Variants in FAM162A observed in about 807,000 individuals in gnomAD.
FAM162A encodes the protein family with sequence similarity 162 member A.
In FAM162A, 23 loss-of-function variants were observed where a neutral mutation model predicts 21.8. The ratio of observed to expected loss-of-function variants is 1.05; its 90% CI spans 0.76 to 1.49. The LOEUF is 1.49. FAM162A is among the 40% of genes most tolerant of loss of function. The pLI is 0.00. For missense variants in FAM162A, 165 were observed against 186.4 expected, an observed-to-expected ratio of 0.89 and a Z score of 0.67; for synonymous variants, 53 against 61.3, an observed-to-expected ratio of 0.86 and a Z score of 0.64.
chr3:122,402,798 T>C lies in FAM162A; in HGVS notation c.73T>C (p.Ser25Pro). 6.3e-7 allele frequency: 1 copy of C among 1,599,790 alleles called. No individual in the cohort carries two copies. The highest frequency in any genetic ancestry group is 8.5e-7 in the Non-Finnish European group (1 of 1,173,752). Residue 25 changes from serine (S) to proline (P), a missense_variant, in exon 2 of 5, where the codon TCT (serine) becomes CCT (proline). Ser to Pro is a moderately conservative substitution (Grantham distance 74). Transcript: ENST00000477892. ...GTTATGTGAAAGAGATGTTTCCTCATCTCTAAGGCTTACCAGAAGCTCTGA... is the reference window on the plus strand; with the variant it reads ...GTTATGTGAAAGAGATGTTTCCTCACCTCTAAGGCTTACCAGAAGCTCTGA... ...FRLCERDVSSSLRLTRSSDLK... is the reference protein window; with the variant it reads ...FRLCERDVSSPLRLTRSSDLK...
chr3:122,401,317 C>T, intron 1 of FAM162A: 1 of 838,594 alleles, frequency 1.2e-6, no homozygotes, highest in South Asian at 5.0e-5. Context: ...TTTTGTTAAA[C>T]ATATGTCGAT....
At chr3:122,398,781 A>G (rs546681462) in intron 1 of FAM162A, among the ~76,000 whole-genome samples, 1 of 152,356 alleles carries the variant, frequency 6.6e-6, no homozygotes, top group Non-Finnish European at 1.5e-5. Flanking sequence ...TATACTGATA[A>G]TAAGGAACAT....
chr3:122,384,496 C>G (rs2075564234), intron 1 of FAM162A, among the ~76,000 whole-genome samples, 197 bp downstream of exon 1: 1 of 152,084 alleles, frequency 6.6e-6, no homozygotes, highest in Admixed American at 6.6e-5. Flanking sequence ...GGAGACTGCC[C>G]GTGAATTACC....
chr3:122,407,249 A>C, intron 3 of FAM162A, 32 bp from the exon 4 acceptor site: 1 of 1,585,394 alleles, frequency 6.3e-7, no homozygotes, highest in Non-Finnish European at 8.6e-7. Context: ...AAAAGTTAAT[A>C]ACTTTCTCTC....
rs2075703805 is a variant in FAM162A, at chr3:122,411,248, T to C, written c.*1417T>C. The C allele has an allele frequency of 6.6e-6, 1 of 152,236 alleles. No homozygotes were observed. The highest frequency in any genetic ancestry group is 1.5e-5 in the Non-Finnish European group (1 of 68,020). 9.4% of individuals were successfully genotyped at this position (152,236 alleles called of 1,614,324 possible). On this transcript the variant is annotated 3_prime_UTR_variant, in exon 5 of 5. Coordinates refer to ENST00000477892, the MANE Select transcript of FAM162A (RefSeq NM_014367.4). Reference sequence around the variant, plus strand: ...CCAGTAAAATGTAACATACTACCTATAGCTTGATAATCTATCTGAGGATGT... The same window carrying C: ...CCAGTAAAATGTAACATACTACCTACAGCTTGATAATCTATCTGAGGATGT...
In FAM162A at chr3:122,404,342, A is replaced by G; in HGVS notation, c.242A>G (p.Asp81Gly). Residue 81 changes from aspartate (D) to glycine (G), a missense_variant, in exon 3 of 5, where the codon GAT (aspartate) becomes GGT (glycine). Asp to Gly is a moderately conservative substitution (Grantham distance 94, BLOSUM62 -1). Coordinates refer to ENST00000477892, the MANE Select transcript of FAM162A (RefSeq NM_014367.4). ...LIWSGRFKKE[D>G]EIPETVSLEM... is the part of the protein sequence containing the mutation. Reference sequence around the variant, plus strand: ...TGGTCAGGTCGCTTCAAAAAGGAAGATGAAATCCCAGAGACTGTCTCGTGA... The same window carrying G: ...TGGTCAGGTCGCTTCAAAAAGGAAGGTGAAATCCCAGAGACTGTCTCGTGA... 2.5e-6 allele frequency: 4 copies of G among 1,599,262 alleles called. No individual in the cohort carries two copies. Among genetic ancestry groups the G allele is most frequent in the Non-Finnish European group, 3.4e-6 (4 of 1,170,256 alleles).
At chr3:122,397,870 A>G (rs1338517238) in intron 1 of FAM162A, among the ~76,000 whole-genome samples, 1 of 152,230 alleles carries the variant, frequency 6.6e-6, no homozygotes, top group Admixed American at 6.5e-5. Flanking sequence ...CCCACTAAGG[A>G]GTCTCTAAAA....
In FAM162A at chr3:122,407,281, G is replaced by T; in HGVS notation, c.264G>T (p.Ser88=). The T allele has an allele frequency of 1.2e-6, 2 of 1,613,366 alleles. No homozygotes were observed. Among genetic ancestry groups the T allele is most frequent in the Non-Finnish European group, 1.7e-6 (2 of 1,179,414 alleles). Residue 88 remains serine, a splice_region_variant and synonymous_variant, in exon 4 of 5, where the codon TCG becomes TCT. Transcript: ENST00000477892. ...KKEDEIPETV[S]LEMLDAAKNK... Reference sequence around the variant, plus strand: ...TCTCATGATCTCATTGTATTACTAGGTTGGAGATGCTTGATGCTGCAAAGA... The same window carrying T: ...TCTCATGATCTCATTGTATTACTAGTTTGGAGATGCTTGATGCTGCAAAGA...
chr3:122,398,100 C>T (rs1033022436), intron 1 of FAM162A, among the ~76,000 whole-genome samples: 9 of 152,084 alleles, frequency 5.9e-5, no homozygotes, highest in Admixed American at 3.9e-4. Flanking sequence ...TGTAAAAATG[C>T]AACGTAAGGA....
At position 122,393,132 on chromosome 3, in the gene FAM162A, A is replaced by G. The variant is rs114095768; in HGVS notation, c.34+8833A>G. Among the ~76,000 whole-genome samples, 553 of 152,344 alleles carry G rather than the reference A, an allele frequency of 3.6e-3. 1 individual carries two copies. The highest frequency in any genetic ancestry group is 0.013 in the African/African-American group (535 of 41,586). ...ATCCAGGCAAAGCTTTCTGGCATTT[A>G]TAGCCCTAGAAAACAAAATAAATGA... On this transcript the variant is annotated intron_variant, in intron 1 of 4. Transcript: ENST00000477892.
At chr3:122,385,762 A>G (rs2075571961) in intron 1 of FAM162A, among the ~76,000 whole-genome samples, 1 of 152,254 alleles carries the variant, frequency 6.6e-6, no homozygotes, top group African/African-American at 2.4e-5. Context: ...TTAATAGCAC[A>G]CTAAGGATGT....
chr3:122,389,300 G>GT (rs2075588389), intron 1 of FAM162A, among the ~76,000 whole-genome samples: 1 of 152,022 alleles, frequency 6.6e-6, no homozygotes, highest in Non-Finnish European at 1.5e-5. Context: ...TGTTATTGTA[G>GT]AGTAATAAGA....
chr3:122,396,119 A>G (rs2075626133), intron 1 of FAM162A, among the ~76,000 whole-genome samples: 1 of 152,172 alleles, frequency 6.6e-6, no homozygotes, highest in South Asian at 2.1e-4. Context: ...TCTTTGTGAT[A>G]TCGTATATGG....
chr3:122,397,415 A>G (rs2075633556), intron 1 of FAM162A, among the ~76,000 whole-genome samples: 1 of 152,094 alleles, frequency 6.6e-6, no homozygotes, highest in South Asian at 2.1e-4. Flanking sequence ...TTTTAACCAC[A>G]AAGGTCTGAG....
chr3:122,402,930 T>C (rs777266700), intron 2 of FAM162A, 48 bp downstream of exon 2: 3 of 1,549,208 alleles, frequency 1.9e-6, no homozygotes, highest in Non-Finnish European at 2.6e-6. Flanking sequence ...TCCCAAAGAG[T>C]AGGAAAACTT....
chr3:122,389,416 TAGATAGATAGATAGATAGATG>T (rs1276135162), intron 1 of FAM162A, among the ~76,000 whole-genome samples: 9 of 151,802 alleles, frequency 5.9e-5, no homozygotes, highest in East Asian at 1.9e-4. Context: ...GATAGATAGA[TAGATAGATAGATAGATAGATG>T]AGATAGATAG....
intron 1 of FAM162A, among the ~76,000 whole-genome samples, chr3:122,393,411 C>T (rs2075612859): frequency 6.6e-6 from 1 of 151,954 alleles, no homozygotes; most frequent in Non-Finnish European, 1.5e-5. Context: ...TTTTAACTTG[C>T]TTTATTCCTG....
intron 1 of FAM162A, among the ~76,000 whole-genome samples, chr3:122,391,474 T>C (rs888694193): frequency 6.6e-6 from 1 of 152,268 alleles, no homozygotes; most frequent in Non-Finnish European, 1.5e-5. Context: ...TCTATTATTC[T>C]AATATCTATA....
intron 1 of FAM162A, among the ~76,000 whole-genome samples, chr3:122,400,767 C>T (rs146429614): frequency 0.021 from 3,185 of 151,754 alleles, 65 homozygotes; most frequent in East Asian, 0.088. Context: ...ACAGAGGTTG[C>T]GGTGAGCCGA....
Sources: allele counts gnomAD v4.1 joint callset (sites outside exome capture counted in the v4.1 genomes callset), GRCh38; gene constraint gnomAD v4.1.1; transcripts MANE v1.5; gene names NCBI Gene and HGNC (gene_info 2026-07-23, HGNC 2026-07-21).